Variants in RIPOR2 observed in about 807,000 individuals in gnomAD.
RIPOR2 encodes the protein RHO family interacting cell polarization regulator 2.
RIPOR2 carries 39 observed loss-of-function variants against 114.5 expected under a neutral mutation model. The observed-to-expected ratio is 0.34, with a 90% CI of 0.26 to 0.44. The LOEUF (loss-of-function observed/expected upper bound fraction) is 0.44, where lower values mean the gene tolerates loss of function less well. RIPOR2 is among the 20% of genes least tolerant of loss of function. The pLI is 1.00. For missense variants in RIPOR2, 1,007 were observed against 1,255.1 expected, an observed-to-expected ratio of 0.80 and a Z score of 2.99; for synonymous variants, 445 against 484.4, an observed-to-expected ratio of 0.92 and a Z score of 1.07.
chr6:24,971,247 A>G (rs1280063986), intron 1 of RIPOR2, among the ~76,000 whole-genome samples: 1 of 152,238 alleles, frequency 6.6e-6, no homozygotes, highest in Non-Finnish European at 1.5e-5. Flanking sequence ...GCAACAAGGC[A>G]GCCTGCCATC....
At chr6:24,891,351 A>C (rs568778601) in intron 1 of RIPOR2, among the ~76,000 whole-genome samples, 65 of 152,342 alleles carry the variant, frequency 4.3e-4, no homozygotes, top group African/African-American at 1.5e-3. Context: ...AAAGACAAAT[A>C]ATTTGTCATT....
chr6:24,914,826 G>T (rs1388079910), intron 1 of RIPOR2, among the ~76,000 whole-genome samples: 1 of 152,196 alleles, frequency 6.6e-6, no homozygotes, highest in Non-Finnish European at 1.5e-5. Context: ...CTTCACATAT[G>T]TAATAAAGAA....
intron 1 of RIPOR2, among the ~76,000 whole-genome samples, chr6:24,971,834 C>A (rs892380054): frequency 2.0e-5 from 3 of 152,130 alleles, no homozygotes; most frequent in Non-Finnish European, 4.4e-5. Context: ...TGAAAATCAG[C>A]AAATATAGTT....
chr6:25,025,832 G>C (rs574657097), intron 1 of RIPOR2, among the ~76,000 whole-genome samples: 2 of 152,186 alleles, frequency 1.3e-5, no homozygotes, highest in African/African-American at 4.8e-5. Context: ...GAGTAAGAGG[G>C]TGGGTTTTCT....
chr6:24,852,485 A>AT, intron 9 of RIPOR2, 90 bp downstream of exon 9: 1 of 1,000,526 alleles, frequency 1.0e-6, no homozygotes, highest in Non-Finnish European at 1.5e-6. Flanking sequence ...AAAAAAAAAA[A>AT]GACAACTTGA....
chr6:24,972,753 G>A, intron 1 of RIPOR2, among the ~76,000 whole-genome samples: 1 of 152,242 alleles, frequency 6.6e-6, no homozygotes, highest in East Asian at 1.9e-4. Flanking sequence ...GTCACTGGAT[G>A]TGTGTATAAT....
chr6:24,897,643 A>G (rs935430008), intron 1 of RIPOR2, among the ~76,000 whole-genome samples: 2 of 152,188 alleles, frequency 1.3e-5, no homozygotes, highest in South Asian at 2.1e-4. Context: ...ATGTGTATGT[A>G]TTACATATTT....
intron 19 of RIPOR2, among the ~76,000 whole-genome samples, chr6:24,820,192 C>T (rs1759552614): frequency 6.6e-6 from 1 of 151,934 alleles, no homozygotes; most frequent in Admixed American, 6.6e-5. Context: ...GCTATGATGC[C>T]CAGCTAATTT....
intron 1 of RIPOR2, among the ~76,000 whole-genome samples, chr6:24,887,053 T>C (rs1294593200): frequency 2.6e-5 from 4 of 152,210 alleles, no homozygotes; most frequent in Non-Finnish European, 5.9e-5. Flanking sequence ...ACTCAATGGG[T>C]TATAATCCAC....
chr6:24,868,287 G>A (rs1247225580), intron 6 of RIPOR2, among the ~76,000 whole-genome samples: 16 of 152,156 alleles, frequency 1.1e-4, no homozygotes, highest in Non-Finnish European at 2.4e-4. Flanking sequence ...TCACATAGAT[G>A]ACATAGCAAG....
chr6:24,847,251 C>T (rs1384379835), intron 12 of RIPOR2, among the ~76,000 whole-genome samples: 1 of 152,198 alleles, frequency 6.6e-6, no homozygotes, highest in Non-Finnish European at 1.5e-5. Flanking sequence ...CCATGCTGGG[C>T]CGAATGCCAG....
intron 1 of RIPOR2, among the ~76,000 whole-genome samples, chr6:24,933,854 C>A (rs1028170131): frequency 2.0e-5 from 3 of 152,154 alleles, no homozygotes; most frequent in African/African-American, 7.2e-5. Flanking sequence ...TACCTAGCTA[C>A]CTGGAACCTG....
rs200248185 is a variant in RIPOR2, at chr6:24,861,058, A to G, written c.652-22T>C. 1.5e-5 allele frequency: 24 copies of G among 1,577,404 alleles called. No homozygotes were observed. The Admixed American group carries it at 2.4e-4, about 16-fold the overall frequency. On this transcript the variant is annotated intron_variant, in intron 7 of 21. Coordinates refer to ENST00000643898, the MANE Select transcript of RIPOR2 (RefSeq NM_001286445.3). ...TATTCTGCAAAGAGGACAGGAGACG[A>G]TCATGAGAGCTAGCCTTTCACCCAA...
At chr6:24,892,181 G>A (rs1767431260) in intron 1 of RIPOR2, among the ~76,000 whole-genome samples, 1 of 152,138 alleles carries the variant, frequency 6.6e-6, no homozygotes, top group Non-Finnish European at 1.5e-5. Context: ...ATGAGGGTTG[G>A]AGACTTTTCC....
At chr6:24,886,553 T>C (rs1766853552) in intron 1 of RIPOR2, among the ~76,000 whole-genome samples, 1 of 152,238 alleles carries the variant, frequency 6.6e-6, no homozygotes, top group Admixed American at 6.5e-5. Flanking sequence ...GACATTTTAA[T>C]GGAATTCAGG....
In RIPOR2 at chr6:24,850,261, A is replaced by G. The variant is rs549444020; in HGVS notation, c.886-311T>C. Among the ~76,000 whole-genome samples, 11 of 150,110 alleles carry G rather than the reference A, an allele frequency of 7.3e-5. No individual in the cohort carries two copies. The South Asian group carries it at 8.4e-4, about 12-fold the overall frequency. The stretch of plus-strand genomic sequence containing the variant: ...ACAGGCACACGGACCACGTCTGGCT[A>G]ATTTTTGTACTTTTGTAGAGACGGC... On this transcript the variant is annotated intron_variant, in intron 10 of 21. Transcript: ENST00000643898.
At chr6:24,890,335 C>T (rs185699796) in intron 1 of RIPOR2, among the ~76,000 whole-genome samples, 2 of 152,296 alleles carry the variant, frequency 1.3e-5, no homozygotes, top group Non-Finnish European at 2.9e-5. Context: ...AAAATAAAAT[C>T]ATGTCTTTTG....
At chr6:24,957,808 G>A (rs1196608190) in intron 1 of RIPOR2, among the ~76,000 whole-genome samples, 5 of 152,244 alleles carry the variant, frequency 3.3e-5, no homozygotes, top group African/African-American at 1.2e-4. Context: ...CTAGGAGGCA[G>A]AGCTTGCGGT....
At chr6:24,998,505 A>AC (rs1316076690) in intron 1 of RIPOR2, among the ~76,000 whole-genome samples, 1 of 152,210 alleles carries the variant, frequency 6.6e-6, no homozygotes, top group African/African-American at 2.4e-5. Flanking sequence ...TCCCAAATCT[A>AC]CCCTCAAATC....
Sources: gnomAD v4.1 joint callset for allele counts (sites outside exome capture counted in the v4.1 genomes callset) on GRCh38, gnomAD v4.1.1 for gene constraint, MANE v1.5 for transcripts, NCBI Gene and HGNC (gene_info 2026-07-23, HGNC 2026-07-21) for gene names.